The following NAA38 variants were observed in gnomAD, a reference collection of about 807,000 sequenced individuals.
The protein encoded by NAA38 is N-alpha-acetyltransferase 38, NatC auxiliary subunit.
In NAA38, 15 loss-of-function variants were observed where a neutral mutation model predicts 12.6. The ratio of observed to expected loss-of-function variants is 1.19; its 90% confidence interval spans 0.79 to 1.83. The LOEUF is 1.83. Ranked by LOEUF, NAA38 falls within the 40% of genes most tolerant of loss-of-function variation. NAA38 has a pLI of 0.00. For synonymous variants in NAA38, 88 were observed against 69.9 expected, an observed-to-expected ratio of 1.26 and a Z score of -1.29; for missense variants, 183 against 171.7, an observed-to-expected ratio of 1.07 and a Z score of -0.37.
chr17:7,873,480 C>T (rs1338676910), intron 2 of NAA38, among the ~76,000 whole-genome samples: 1 of 152,148 alleles, frequency 6.6e-6, no homozygotes, highest in East Asian at 1.9e-4. Context: ...GCAGTTAATG[C>T]TTTCAAGAGG....
chr17:7,871,018 C>T (rs768446021), intron 2 of NAA38, among the ~76,000 whole-genome samples: 5 of 152,140 alleles, frequency 3.3e-5, no homozygotes, highest in Non-Finnish European at 7.3e-5. Flanking sequence ...TGAACCACCA[C>T]ACCCAACCAG....
At chr17:7,878,175 CT>C (rs1180136744) in intron 2 of NAA38, among the ~76,000 whole-genome samples, 1 of 151,740 alleles carries the variant, frequency 6.6e-6, no homozygotes, top group Middle Eastern at 3.2e-3. Context: ...TAAAATTTAC[CT>C]TTTAAAGAAC....
upstream of NAA38, chr17:7,863,066 G>T (rs1015824437): frequency 6.6e-6 from 1 of 152,172 alleles, no homozygotes; most frequent in African/African-American, 2.4e-5. Flanking sequence ...AGAACAAAAA[G>T]GAGGTCCTGA....
rs377716428 is a variant in NAA38 at position 7,856,749 on chromosome 17, G to A, written c.360C>T (p.Thr120=). Reference sequence around the variant, plus strand: ...ATCGTGGTCAGAGATACGGAGGCCCGGTCAGACTCTCCCTCTGCACCTCAA... The same window carrying A: ...ATCGTGGTCAGAGATACGGAGGCCCAGTCAGACTCTCCCTCTGCACCTCAA... ...VSIEVQRESL[T]GPPYL is the part of the protein sequence containing the mutation. The change falls in exon 3 of 3, where the codon ACC becomes ACT. Residue 120 remains threonine, a synonymous_variant. Coordinates refer to ENST00000575771, the MANE Select transcript of NAA38 (RefSeq NM_001320925.4). 8.1e-6 allele frequency: 13 copies of A among 1,613,784 alleles called. No homozygotes were observed. The South Asian group carries it at 8.8e-5, about 11-fold the overall frequency.
rs56289148 is a variant in NAA38 at position 7,866,253 on chromosome 17, A to ATTT, written c.3+235_3+237dup. On this transcript the variant is annotated intron_variant, in intron 3 of 4. Coordinates refer to the NAA38 transcript ENST00000576861. The stretch of plus-strand genomic sequence containing the variant: ...AGATGCCCGCCACCAAGCCCGGCTA[A>ATTT]TTTTTTTTTTTTTTTTTTTTTTTTT... Among the ~76,000 whole-genome samples the ATTT allele has an allele frequency of 1.0e-3, 91 of 90,566 alleles. 1 individual carries two copies. Among genetic ancestry groups the ATTT allele is most frequent in the African/African-American group, 3.2e-3 (76 of 23,426 alleles). The allele number at this position is 90,566 out of a possible 152,430, so 59.4% of individuals were successfully genotyped here. A position where few individuals can be genotyped will look rare whatever the true frequency, so the allele number is the denominator to read the frequency against.
At chr17:7,858,180 C>T (rs1567812400), upstream of NAA38, 1 of 1,613,918 alleles carries the variant, frequency 6.2e-7, no homozygotes, top group Non-Finnish European at 8.5e-7. Flanking sequence ...GGAGTATTTT[C>T]AGCGTCGCTA....
At chr17:7,882,374 G>A (rs1402464875) in intron 2 of NAA38, among the ~76,000 whole-genome samples, 2 of 152,188 alleles carry the variant, frequency 1.3e-5, no homozygotes, top group Non-Finnish European at 2.9e-5. Flanking sequence ...GCACACATGA[G>A]GAAGAGCCAC....
chr17:7,856,873 G>A lies in NAA38; in HGVS notation c.266-30C>T, dbSNP rs781212354. ...AAAGAAGGATCAGAGCATCAGGAAA[G>A]TAGGCCAGAATCAGTCCCGCCCCTC... On this transcript the variant is annotated intron_variant, in intron 2 of 2. Transcript: ENST00000575771. The A allele has an allele frequency of 1.6e-5, 26 of 1,610,596 alleles. No individual in the cohort carries two copies. In the South Asian group the frequency reaches 2.3e-4, roughly 14 times the overall value.
intron 2 of NAA38, among the ~76,000 whole-genome samples, chr17:7,876,124 T>C (rs1481282300): frequency 6.6e-6 from 1 of 152,198 alleles, no homozygotes; most frequent in Non-Finnish European, 1.5e-5. Flanking sequence ...TGTGGACATA[T>C]GATTCAATTA....
chr17:7,858,111 C>T (rs1289381440), upstream of NAA38: 7 of 1,612,274 alleles, frequency 4.3e-6, no homozygotes, highest in African/African-American at 1.3e-5. Flanking sequence ...ACCAAGAGAT[C>T]CAGTGACCGA....
intron 1 of NAA38, 61 bp from the exon 2 acceptor site, chr17:7,857,259 C>A (rs1230510087): frequency 1.2e-6 from 2 of 1,609,686 alleles, no homozygotes; most frequent in African/African-American, 2.7e-5. Flanking sequence ...CGCGGAACCA[C>A]AGCTCCCGGC....
chr17:7,872,746 T>C (rs1027874845), intron 2 of NAA38, among the ~76,000 whole-genome samples: 2 of 152,264 alleles, frequency 1.3e-5, no homozygotes, highest in African/African-American at 4.8e-5. Flanking sequence ...TTTTCACAAA[T>C]AGTTTTCCAT....
chr17:7,867,116 G>A (rs1486400462), intron 2 of NAA38, among the ~76,000 whole-genome samples: 3 of 152,134 alleles, frequency 2.0e-5, no homozygotes, highest in Non-Finnish European at 4.4e-5. Flanking sequence ...AAATGCAAAC[G>A]TAGATTGGAG....
At chr17:7,885,307 C>CCCGTCGCACCCCTCCCCCGCCGCCGCCG (rs1967663890), upstream of NAA38, 1 of 157,218 alleles carries the variant, frequency 6.4e-6, no homozygotes, top group African/African-American at 2.7e-5. Flanking sequence ...GCACCCCTCC[C>CCCGTCGCACCCCTCCCCCGCCGCCGCCG]CCGCCGCCGC....
intron 2 of NAA38, among the ~76,000 whole-genome samples, chr17:7,878,115 C>T (rs1967206898): frequency 6.6e-6 from 1 of 151,854 alleles, no homozygotes; most frequent in African/African-American, 2.4e-5. Context: ...GAAAGAAAAA[C>T]ATAATTACAG....
At chr17:7,860,513 G>A (rs1393945187), upstream of NAA38, 1 of 152,134 alleles carries the variant, frequency 6.6e-6, no homozygotes, top group Non-Finnish European at 1.5e-5. Context: ...AGCCACACTA[G>A]GTAGTAACCA....
At chr17:7,861,959 A>G (rs2078886412), upstream of NAA38, 1 of 152,146 alleles carries the variant, frequency 6.6e-6, no homozygotes, top group Admixed American at 6.6e-5. Context: ...AGTTCATTAC[A>G]TGTCTTGCCT....
upstream of NAA38, chr17:7,857,686 G>T: frequency 3.8e-6 from 5 of 1,320,456 alleles, no homozygotes; most frequent in East Asian, 2.9e-5. Context: ...GATATCGCGA[G>T]ACCTTTACCT....
intron 1 of NAA38, 91 bp downstream of exon 1, chr17:7,857,292 A>C: frequency 1.2e-6 from 2 of 1,609,718 alleles, no homozygotes; most frequent in Non-Finnish European, 1.7e-6. Flanking sequence ...ACTCACACAA[A>C]GCCCAGAGGC....
Sources: gnomAD v4.1 joint callset for allele counts (sites outside exome capture counted in the v4.1 genomes callset) on GRCh38, gnomAD v4.1.1 for gene constraint, MANE v1.5 for transcripts, NCBI Gene and HGNC (gene_info 2026-07-23, HGNC 2026-07-21) for gene names.